The following ZBTB20 variants were observed in gnomAD, a reference collection of about 807,000 sequenced individuals.
The protein encoded by ZBTB20 is zinc finger and BTB domain-containing protein 20.
Under a neutral mutation model 56.9 loss-of-function variants are expected in ZBTB20, and 9 were observed. That is an observed-to-expected ratio of 0.16 (90% CI 0.10 to 0.28). ZBTB20 has a LOEUF of 0.28. ZBTB20 is among the 10% of genes least tolerant of loss of function. ZBTB20 has a pLI of 1.00. For synonymous variants in ZBTB20, 417 were observed against 420.7 expected (o/e 0.99, Z 0.11); for missense variants, 655 against 1,003.0 (o/e 0.65, Z 4.69).
chr3:114,954,190 T>A (rs1391711624), intron 3 of ZBTB20, among the ~76,000 whole-genome samples: 1 of 152,182 alleles, frequency 6.6e-6, no homozygotes, highest in African/African-American at 2.4e-5. Flanking sequence ...AGCTGAATAT[T>A]TGCTTTAAAT....
chr3:114,609,447 C>T (rs1280057183), intron 6 of ZBTB20, among the ~76,000 whole-genome samples: 1 of 152,172 alleles, frequency 6.6e-6, no homozygotes, highest in Non-Finnish European at 1.5e-5. Flanking sequence ...ATTAAAAACA[C>T]AAGCCTGCTC....
chr3:114,924,627 A>T (rs1270428949), intron 3 of ZBTB20, among the ~76,000 whole-genome samples: 1 of 152,216 alleles, frequency 6.6e-6, no homozygotes, highest in Non-Finnish European at 1.5e-5. Context: ...AGTTCCAGGG[A>T]TCTAATGTAC....
rs144156814 is a variant in ZBTB20, at chr3:114,617,973, C to A, written c.-295+75555G>T. On this transcript the variant is annotated intron_variant, in intron 6 of 11. Coordinates refer to ENST00000675478, the MANE Select transcript of ZBTB20 (RefSeq NM_001348800.3). Reference sequence around the variant, plus strand: ...ACACTCTTTCTCCTCTTTAAATTTTCTCCATAGCACTTATCATAAAATGCC... The same window carrying A: ...ACACTCTTTCTCCTCTTTAAATTTTATCCATAGCACTTATCATAAAATGCC... Among the ~76,000 whole-genome samples the A allele has an allele frequency of 5.6e-3, 850 of 152,096 alleles. 10 individuals carry two copies. Among genetic ancestry groups the A allele is most frequent in the African/African-American group, 0.019 (783 of 41,500 alleles).
At chr3:114,394,217 C>G (rs1259297543) in intron 7 of ZBTB20, among the ~76,000 whole-genome samples, 1 of 152,114 alleles carries the variant, frequency 6.6e-6, no homozygotes, top group Non-Finnish European at 1.5e-5. Context: ...TTAGTATACC[C>G]ATTTTACAGA....
intron 4 of ZBTB20, among the ~76,000 whole-genome samples, chr3:114,890,667 T>C (rs940987958): frequency 1.3e-5 from 2 of 151,940 alleles, no homozygotes; most frequent in African/African-American, 4.8e-5. Flanking sequence ...AGTTAAGGGG[T>C]GCAGCACACC....
chr3:114,908,273 T>C (rs554286211), intron 3 of ZBTB20, among the ~76,000 whole-genome samples: 1 of 152,164 alleles, frequency 6.6e-6, no homozygotes, highest in South Asian at 2.1e-4. Flanking sequence ...TCTGTACGAA[T>C]ATATAAACAT....
intron 6 of ZBTB20, among the ~76,000 whole-genome samples, chr3:114,636,958 G>C (rs568983945): frequency 6.6e-6 from 1 of 151,700 alleles, no homozygotes; most frequent in East Asian, 1.9e-4. Context: ...TTAGCTTTAG[G>C]GACAAACATA....
intron 11 of ZBTB20, among the ~76,000 whole-genome samples, chr3:114,344,992 C>T (rs1200549777): frequency 4.1e-5 from 6 of 148,046 alleles, no homozygotes; most frequent in African/African-American, 1.2e-4. Flanking sequence ...AAAAAAAACA[C>T]GAAAGTGTGA....
intron 5 of ZBTB20, among the ~76,000 whole-genome samples, chr3:114,699,870 A>G (rs1278985023): frequency 1.3e-5 from 2 of 152,080 alleles, no homozygotes; most frequent in African/African-American, 4.8e-5. Context: ...TCAAAAGCAT[A>G]TATTTTGAGG....
chr3:114,724,167 G>A (rs926042960), intron 5 of ZBTB20, among the ~76,000 whole-genome samples: 2 of 152,006 alleles, frequency 1.3e-5, no homozygotes, highest in Admixed American at 6.6e-5. Flanking sequence ...GCCACCGCTC[G>A]GCCTCCCAAA....
intron 3 of ZBTB20, among the ~76,000 whole-genome samples, chr3:114,901,508 C>T (rs74881004): frequency 0.023 from 3,424 of 151,964 alleles, 45 homozygotes; most frequent in South Asian, 0.05. Context: ...TATCAAGAAC[C>T]CAAAGTTCAA....
At position 114,773,493 on chromosome 3, in the gene ZBTB20, C is replaced by T. The variant is rs184227522; in HGVS notation, c.-343+27608G>A. ...CGATATTCCTTCTTTTAGTCATATC[C>T]TCAGAGAAAGTAAAATACCTCGAGA... On this transcript the variant is annotated intron_variant, in intron 5 of 11. Transcript: ENST00000675478. 5.2e-3 allele frequency among the ~76,000 whole-genome samples: 787 copies of T among 152,184 alleles called. 4 individuals are homozygous for T. Among genetic ancestry groups the T allele is most frequent in the Middle Eastern group, 0.014 (4 of 294 alleles).
intron 10 of ZBTB20, among the ~76,000 whole-genome samples, chr3:114,369,564 ACCATCCTACAGTAGAAGTATATCAG>A (rs2108425960): frequency 6.6e-6 from 1 of 152,358 alleles, no homozygotes; most frequent in Non-Finnish European, 1.5e-5. Flanking sequence ...GTTCCAGATC[ACCATCCTACAGTAGAAGTATATCAG>A]ATACTTTTGT....
intron 6 of ZBTB20, among the ~76,000 whole-genome samples, chr3:114,621,912 C>T (rs2058350859): frequency 6.6e-6 from 1 of 152,126 alleles, no homozygotes; most frequent in South Asian, 2.1e-4. Flanking sequence ...TTATATATTT[C>T]AATTTAGTCA....
At chr3:114,912,854 C>A (rs2075597309) in intron 3 of ZBTB20, among the ~76,000 whole-genome samples, 1 of 151,804 alleles carries the variant, frequency 6.6e-6, no homozygotes, top group Non-Finnish European at 1.5e-5. Context: ...AAATATGTGA[C>A]AACATGTTAA....
chr3:114,572,216 G>A (rs1408348856), intron 6 of ZBTB20, among the ~76,000 whole-genome samples: 1 of 152,156 alleles, frequency 6.6e-6, no homozygotes, highest in Admixed American at 6.5e-5. Context: ...CAGCCCTGCA[G>A]AAAAATATCT....
chr3:114,576,477 G>A (rs1577695248), intron 6 of ZBTB20, among the ~76,000 whole-genome samples: 1 of 109,056 alleles, frequency 9.2e-6, no homozygotes, highest in African/African-American at 3.5e-5. Flanking sequence ...ACTCCAGCCT[G>A]GGTGACAGAG....
At position 114,506,173 on chromosome 3, in the gene ZBTB20, C is replaced by T. The variant is rs536034554; in HGVS notation, c.-294-5782G>A. ...TCCAAAACGCATATTATTTTGGATC[C>T]GTCTCAAGAAGAACAATAAGAGAAT... On this transcript the variant is annotated intron_variant, in intron 6 of 11. Transcript: ENST00000675478. Among the ~76,000 whole-genome samples, 11 of 152,074 alleles carry T rather than the reference C, an allele frequency of 7.2e-5. No individual in the cohort carries two copies. In the South Asian group the frequency reaches 1.7e-3, roughly 23 times the overall value.
chr3:114,864,237 T>A (rs1165256110), intron 4 of ZBTB20, among the ~76,000 whole-genome samples: 2 of 152,114 alleles, frequency 1.3e-5, no homozygotes, highest in African/African-American at 4.8e-5. Flanking sequence ...GGAATTCTGC[T>A]ACCAATCTTC....
Sources: gnomAD v4.1 joint callset for allele counts (sites outside exome capture counted in the v4.1 genomes callset) on GRCh38, gnomAD v4.1.1 for gene constraint, MANE v1.5 for transcripts, NCBI Gene and HGNC (gene_info 2026-07-23, HGNC 2026-07-21) for gene names.